Variants in SLCO3A1 observed in about 807,000 individuals in gnomAD.
SLCO3A1 encodes the protein solute carrier organic anion transporter family member 3A1.
Under a neutral mutation model 63.1 loss-of-function variants are expected in SLCO3A1, and 27 were observed. That is an observed-to-expected ratio of 0.43 (90% confidence interval 0.32 to 0.59). The LOEUF (loss-of-function observed/expected upper bound fraction) is 0.59. Ranked by LOEUF, SLCO3A1 falls within the 20% of genes least tolerant of loss-of-function variation. The pLI, the probability that SLCO3A1 is intolerant of heterozygous loss-of-function variation, is 0.09. For synonymous variants in SLCO3A1, 473 were observed against 409.9 expected, an observed-to-expected ratio of 1.15 and a Z score of -1.86; for missense variants, 773 against 945.8, an observed-to-expected ratio of 0.82 and a Z score of 2.40.
intron 4 of SLCO3A1, 89 bp from the exon 5 acceptor site, chr15:92,120,376 C>A: frequency 7.2e-7 from 1 of 1,383,198 alleles, no homozygotes; most frequent in South Asian, 1.3e-5. Context: ...AAGAGCGGGC[C>A]AAGAAGGGGC....
Position 91,942,795 on chromosome 15 carries a change from A to T in SLCO3A1, c.646+26337A>T, listed in dbSNP as rs1226163302. ...CAGCCTGGTCTCAAATTCCTGACCT[A>T]AAGTGATCAGGTCACTGATCACTCC... On this transcript the variant is annotated intron_variant, in intron 2 of 9. Transcript: ENST00000318445. This position sits in a 1 kb window ranked among gnomAD's most constrained non-coding sequence, Gnocchi z 4.1. Among the ~76,000 whole-genome samples the T allele has an allele frequency of 6.6e-6, 1 of 152,106 alleles. No homozygotes were observed. Among genetic ancestry groups the T allele is most frequent in the Admixed American group, 6.5e-5 (1 of 15,280 alleles).
intron 9 of SLCO3A1, among the ~76,000 whole-genome samples, chr15:92,159,384 C>T (rs34176558): frequency 0.062 from 9,437 of 151,862 alleles, 395 homozygotes; most frequent in Middle Eastern, 0.12. Context: ...ACTTGGGAGA[C>T]TGAGGCAGGA....
intron 2 of SLCO3A1, among the ~76,000 whole-genome samples, chr15:92,055,714 C>A (rs1055064107): frequency 6.6e-6 from 1 of 152,176 alleles, no homozygotes; most frequent in Non-Finnish European, 1.5e-5. Context: ...GCACTCATCA[C>A]CCCACAGGCA....
intron 2 of SLCO3A1, among the ~76,000 whole-genome samples, chr15:92,021,168 T>A (rs565657275): frequency 6.6e-6 from 1 of 152,302 alleles, no homozygotes; most frequent in African/African-American, 2.4e-5. Flanking sequence ...ATCCTCACAT[T>A]TTTGGGTGGC....
intron 3 of SLCO3A1, among the ~76,000 whole-genome samples, chr15:92,095,797 C>G (rs1231715293): frequency 6.6e-6 from 1 of 152,158 alleles, no homozygotes; most frequent in African/African-American, 2.4e-5. Flanking sequence ...CATTCTCAGC[C>G]CCCCAGGCCC....
At chr15:92,156,629 A>C (rs757737150) in intron 9 of SLCO3A1, among the ~76,000 whole-genome samples, 1 of 152,248 alleles carries the variant, frequency 6.6e-6, no homozygotes, top group Non-Finnish European at 1.5e-5. Flanking sequence ...AAAACAGCCC[A>C]GATTCTTTCT....
At chr15:92,051,559 A>T (rs2046957661) in intron 2 of SLCO3A1, among the ~76,000 whole-genome samples, 1 of 152,158 alleles carries the variant, frequency 6.6e-6, no homozygotes, top group Non-Finnish European at 1.5e-5. Context: ...ATTAGGAGCC[A>T]AGCCTGGAGA....
In SLCO3A1 at chr15:92,164,868, CAT is replaced by C. The variant is rs2048480246; in HGVS notation, c.*1735_*1736del. 1.0e-6 allele frequency: 1 copy of C among 985,400 alleles called. No homozygotes were observed. The highest frequency in any genetic ancestry group is 1.2e-6 in the Non-Finnish European group (1 of 829,922). 61.0% of individuals were successfully genotyped at this position (985,400 alleles called of 1,614,324 possible). The stretch of plus-strand genomic sequence containing the variant: ...CAGAGCTTAGGTAAAGGCACACACT[CAT>C]ACACACACAACAAAGGGCCCTGCTA... On this transcript the variant is annotated 3_prime_UTR_variant, in exon 10 of 10. Transcript: ENST00000318445.
In SLCO3A1 at chr15:91,916,370, C is replaced by G. The variant is rs779152050; in HGVS notation, c.558C>G (p.Leu186=). 5.0e-6 allele frequency: 8 copies of G among 1,612,644 alleles called. No individual in the cohort carries two copies. The highest frequency in any genetic ancestry group is 6.8e-6 in the Non-Finnish European group (8 of 1,179,648). Reference sequence around the variant, plus strand: ...TGCTGCTCATTGGGGCCCAGGTGCTCCTGGGCATCGGTGCTACCCCTGTGC... The same window carrying G: ...TGCTGCTCATTGGGGCCCAGGTGCTGCTGGGCATCGGTGCTACCCCTGTGC... ...MYLLLIGAQV[L]LGIGATPVQP... Residue 186 remains leucine, a synonymous_variant, in exon 2 of 10, where the codon CTC becomes CTG. Transcript: ENST00000318445. This position sits in a 1 kb window ranked among gnomAD's most constrained non-coding sequence, Gnocchi z 6.2.
In SLCO3A1 at chr15:91,916,325, G is replaced by C. The variant is rs769670415; in HGVS notation, c.513G>C (p.Thr171=). 4 of 1,598,886 alleles carry C rather than the reference G, an allele frequency of 2.5e-6. No individual in the cohort carries two copies. Among genetic ancestry groups the C allele is most frequent in the Non-Finnish European group, 2.6e-6 (3 of 1,173,062 alleles). The part of the protein sequence containing the change: ...PDPDLICRNR[T]ATNMMYLLLI... ...CCGACCTCATCTGCCGCAACCGGAC[G>C]GCTACCAACATGATGTACTTGCTGC... The change falls in exon 2 of 10, where the codon ACG becomes ACC. Residue 171 remains threonine (T), a synonymous_variant. Transcript: ENST00000318445. This position sits in a 1 kb window ranked among gnomAD's most constrained non-coding sequence, Gnocchi z 6.2.
downstream of SLCO3A1, among the ~76,000 whole-genome samples, chr15:92,167,426 G>T (rs1427076065): frequency 6.6e-6 from 1 of 152,128 alleles, no homozygotes. Flanking sequence ...ATTAAATTTG[G>T]CCTGGAAAAT....
At chr15:91,890,216 T>C (rs2151356268) in intron 1 of SLCO3A1, among the ~76,000 whole-genome samples, 2 of 152,362 alleles carry the variant, frequency 1.3e-5, no homozygotes, top group East Asian at 1.9e-4. Flanking sequence ...AATACACGTA[T>C]ACCCACTGTC....
chr15:91,871,376 G>A lies in SLCO3A1; in HGVS notation c.180+17288G>A, dbSNP rs532704076. On this transcript the variant is annotated intron_variant, in intron 1 of 9. Transcript: ENST00000318445. ...TGGGTTCGGTCTTCCTGTGTGGGGG[G>A]CACACACTGCACACCCTCTGGCAGT... Among the ~76,000 whole-genome samples the A allele has an allele frequency of 8.7e-4, 132 of 152,216 alleles. 1 individual carries two copies. The highest frequency in any genetic ancestry group is 1.5e-3 in the Non-Finnish European group (100 of 68,010).
chr15:91,982,968 C>T (rs2046006340), intron 2 of SLCO3A1, among the ~76,000 whole-genome samples: 1 of 152,244 alleles, frequency 6.6e-6, no homozygotes, highest in African/African-American at 2.4e-5. Context: ...GAGTCTGTCC[C>T]TTTACGGAAT....
At position 92,072,207 on chromosome 15, in the gene SLCO3A1, T is replaced by TG. The variant is rs201415837; in HGVS notation, c.647-22674_647-22673insG. Among the ~76,000 whole-genome samples the TG allele has an allele frequency of 4.0e-3, 614 of 152,082 alleles. 7 individuals carry two copies. The highest frequency in any genetic ancestry group is 0.014 in the African/African-American group (589 of 41,478). ...AACCACCATTCTTTTTTTTGGTTTTTTTTTTTTTTCCTCACTGGCTAATGC... is the reference window on the plus strand; with the variant it reads ...AACCACCATTCTTTTTTTTGGTTTTTGTTTTTTTTTCCTCACTGGCTAATGC... On this transcript the variant is annotated intron_variant, in intron 2 of 9. Coordinates refer to ENST00000318445, the MANE Select transcript of SLCO3A1 (RefSeq NM_013272.4).
chr15:92,137,436 G>A (rs1228270538), intron 7 of SLCO3A1, among the ~76,000 whole-genome samples: 12 of 98,182 alleles, frequency 1.2e-4, no homozygotes, highest in Non-Finnish European at 2.1e-4. Flanking sequence ...ATAAACATAC[G>A]TGTGCATGTG....
chr15:92,097,389 G>A (rs1456328640), intron 3 of SLCO3A1, among the ~76,000 whole-genome samples: 2 of 152,206 alleles, frequency 1.3e-5, no homozygotes, highest in Non-Finnish European at 2.9e-5. Flanking sequence ...AATGACCAGC[G>A]GGTAGACAGA....
intron 2 of SLCO3A1, among the ~76,000 whole-genome samples, chr15:92,032,643 C>G (rs940963525): frequency 7.3e-6 from 1 of 137,404 alleles, no homozygotes; most frequent in Non-Finnish European, 1.7e-5. Context: ...GCAGAAAGCC[C>G]TGGGTGCGGT....
chr15:92,100,012 G>A (rs1209848166), intron 3 of SLCO3A1, among the ~76,000 whole-genome samples: 1 of 151,406 alleles, frequency 6.6e-6, no homozygotes, highest in East Asian at 1.9e-4. Flanking sequence ...GTTGCAGTGA[G>A]CTGAGATCTC....
Sources: allele counts gnomAD v4.1 joint callset (sites outside exome capture counted in the v4.1 genomes callset), GRCh38; gene constraint gnomAD v4.1.1; non-coding constraint Gnocchi (gnomAD v3.1); transcripts MANE v1.5; gene names NCBI Gene and HGNC (gene_info 2026-07-23, HGNC 2026-07-21).